Variants in SETX observed in about 807,000 individuals in gnomAD.
SETX encodes senataxin.
A neutral mutation model predicts 227.2 loss-of-function variants in SETX; 90 were observed. The ratio of observed to expected loss-of-function variants is 0.40; its 90% CI spans 0.33 to 0.47. The LOEUF (loss-of-function observed/expected upper bound fraction) is 0.47. Ranked by LOEUF, SETX falls within the 20% of genes least tolerant of loss-of-function variation. The pLI is 0.91. For missense variants in SETX, 3,052 were observed against 3,181.5 expected (o/e 0.96, Z 0.98); for synonymous variants, 1,210 against 1,113.2 (o/e 1.09, Z -1.73).
In SETX at chr9:132,328,147, C is replaced by T; in HGVS notation, c.3451G>A (p.Glu1151Lys). ...HTRPRSISVE[E>K]FCEIEVKKPK... ...TTTTTTACTTCAATTTCACAAAATT[C>T]TTCAACAGAAATACTCCGTGGTCTT... Residue 1151 changes from glutamate (E) to lysine (K), a missense_variant, in exon 10 of 26, where the codon GAA (glutamate) becomes AAA (lysine). By Grantham distance (56) the Glu-to-Lys change is moderately conservative. Transcript: ENST00000224140. The T allele has an allele frequency of 6.2e-7, 1 of 1,614,080 alleles. No individual in the cohort carries two copies. Among genetic ancestry groups the T allele is most frequent in the Non-Finnish European group, 8.5e-7 (1 of 1,180,004 alleles).
intron 12 of SETX, among the ~76,000 whole-genome samples, chr9:132,299,861 G>A (rs775167514): frequency 1.1e-4 from 16 of 152,052 alleles, no homozygotes; most frequent in East Asian, 1.9e-4. Flanking sequence ...GACAAGTCTC[G>A]GCTGGGCGCG....
intron 12 of SETX, 87 bp from the exon 13 acceptor site, chr9:132,298,399 T>A: frequency 3.6e-6 from 4 of 1,123,938 alleles, no homozygotes; most frequent in Non-Finnish European, 5.3e-6. Context: ...TAGGTATTTT[T>A]AACATATTTT....
rs1842447315 is a variant in SETX, at chr9:132,262,451, A to C, written c.*1788T>G. The C allele has an allele frequency of 2.0e-5, 3 of 152,236 alleles. No individual in the cohort carries two copies. The highest frequency in any genetic ancestry group is 4.4e-5 in the Non-Finnish European group (3 of 68,072). 9.4% of individuals were successfully genotyped at this position (152,236 alleles called of 1,614,324 possible). A position where few individuals can be genotyped will look rare whatever the true frequency, so the allele number is the denominator to read the frequency against. On this transcript the variant is annotated 3_prime_UTR_variant, in exon 26 of 26. Coordinates refer to ENST00000224140, the MANE Select transcript of SETX (RefSeq NM_015046.7). ...CTTAAAGTAACGAGATTTCTTCCCA[A>C]AGGCACATGGAAGAAGCTGATAGAG...
chr9:132,342,637 C>T, intron 5 of SETX, 53 bp downstream of exon 5: 1 of 1,198,898 alleles, frequency 8.3e-7, no homozygotes, highest in South Asian at 1.2e-5. Flanking sequence ...TTATAGCTAT[C>T]TATAGGTACA....
Position 132,307,867 on chromosome 9 carries a change from C to T in SETX, c.5374+3890G>A, listed in dbSNP as rs188546962. Among the ~76,000 whole-genome samples the T allele has an allele frequency of 4.6e-5, 7 of 152,080 alleles. No homozygotes were observed. In the East Asian group the frequency reaches 9.7e-4, roughly 21 times the overall value. ...CTGATTTTTGTATTTGTAGTAGAGA[C>T]GGGGTTTTGCCATGTTGGCCAGGCT... On this transcript the variant is annotated intron_variant, in intron 11 of 25. Coordinates refer to ENST00000224140, the MANE Select transcript of SETX (RefSeq NM_015046.7).
At chr9:132,334,251 G>T in intron 7 of SETX, among the ~76,000 whole-genome samples, 1 of 152,178 alleles carries the variant, frequency 6.6e-6, no homozygotes, top group Non-Finnish European at 1.5e-5. Context: ...TTCAAGACCA[G>T]CCTGACCAAC....
Position 132,288,552 on chromosome 9 carries a change from A to G in SETX, c.6206T>C (p.Met2069Thr). The G allele has an allele frequency of 1.2e-6, 2 of 1,607,056 alleles. No homozygotes were observed. The highest frequency in any genetic ancestry group is 1.7e-6 in the Non-Finnish European group (2 of 1,173,650). The stretch of plus-strand genomic sequence containing the variant: ...TATATACCACATTCAGTACTTACTC[A>G]TTCTGTGGTTTACTTGGCTGTCCAA... Reference protein sequence around the residue: ...FSLDSQVNHRMKKELPSHVQA... With the variant: ...FSLDSQVNHRTKKELPSHVQA... Residue 2069 changes from methionine (M) to threonine (T), a missense_variant and splice_region_variant, in exon 16 of 26, where the codon ATG becomes ACG. Coordinates refer to ENST00000224140, the MANE Select transcript of SETX (RefSeq NM_015046.7).
rs1211651049 is a variant in SETX, at chr9:132,328,086, T to C, written c.3512A>G (p.Glu1171Gly). Residue 1171 changes from glutamate to glycine, a missense_variant, in exon 10 of 26, where the codon GAA becomes GGA. Physicochemically the swap from Glu to Gly is moderately conservative, Grantham distance 98. This residue lies in a region of SETX where 1,483 missense variants were observed against 1,312.0 expected (regional missense o/e 1.13). Coordinates refer to ENST00000224140, the MANE Select transcript of SETX (RefSeq NM_015046.7). ...KRKRSEKPMA[E>G]DPVRPSSSVR... ...AGAAGATGAAGGCCTCACAGGATCTTCAGCCATTGGTTTTTCAGATCGTTT... is the reference window on the plus strand; with the variant it reads ...AGAAGATGAAGGCCTCACAGGATCTCCAGCCATTGGTTTTTCAGATCGTTT... 7 of 1,614,138 alleles carry C rather than the reference T, an allele frequency of 4.3e-6. No homozygotes were observed. In the South Asian group the frequency reaches 7.7e-5, roughly 18 times the overall value.
At chr9:132,346,118 A>G (rs929137955) in intron 4 of SETX, 143 bp downstream of exon 4, 34 of 701,938 alleles carry the variant, frequency 4.8e-5, no homozygotes, top group Middle Eastern at 3.9e-4. Flanking sequence ...AAAAAATAAA[A>G]AACGTTGGAA....
At chr9:132,319,166 T>C (rs1328487730) in intron 10 of SETX, among the ~76,000 whole-genome samples, 2 of 152,128 alleles carry the variant, frequency 1.3e-5, no homozygotes, top group African/African-American at 4.8e-5. Flanking sequence ...GTCTTCTAAG[T>C]ACTCTCTCCA....
At chr9:132,322,069 C>A (rs751409203) in intron 10 of SETX, among the ~76,000 whole-genome samples, 1 of 152,126 alleles carries the variant, frequency 6.6e-6, no homozygotes, top group Admixed American at 6.5e-5. Flanking sequence ...CCTGCTATGG[C>A]GCCCTTCAGA....
intron 23 of SETX, among the ~76,000 whole-genome samples, chr9:132,274,419 G>C (rs1018378337): frequency 6.8e-6 from 1 of 147,046 alleles, no homozygotes; most frequent in African/African-American, 2.5e-5. Context: ...TTCATTATTT[G>C]TTATAAAGGT....
intron 15 of SETX, among the ~76,000 whole-genome samples, chr9:132,293,805 G>A (rs1055994436): frequency 6.6e-5 from 10 of 152,096 alleles, no homozygotes; most frequent in African/African-American, 2.4e-4. Flanking sequence ...GGCAGATCAC[G>A]AGGTCAGGAG....
chr9:132,298,888 GA>G (rs1844829958), intron 12 of SETX, among the ~76,000 whole-genome samples: 1 of 152,046 alleles, frequency 6.6e-6, no homozygotes, highest in African/African-American at 2.4e-5. Context: ...GATCAGGGTA[GA>G]AAACCATTGG....
intron 11 of SETX, among the ~76,000 whole-genome samples, chr9:132,302,045 A>G (rs1045598632): frequency 1.3e-5 from 2 of 152,192 alleles, no homozygotes; most frequent in Non-Finnish European, 2.9e-5. Context: ...TTAGAGTCAA[A>G]GCAATCCTAG....
At chr9:132,306,732 G>T (rs1478667322) in intron 11 of SETX, among the ~76,000 whole-genome samples, 1 of 152,028 alleles carries the variant, frequency 6.6e-6, no homozygotes, top group Non-Finnish European at 1.5e-5. Flanking sequence ...TAGAGACAGG[G>T]TCTTGTTATG....
In SETX at chr9:132,330,511, G is replaced by T. The variant is rs752063617; in HGVS notation, c.1099-12C>A. 2.5e-5 allele frequency: 40 copies of T among 1,607,966 alleles called. No individual in the cohort carries two copies. Among genetic ancestry groups the T allele is most frequent in the Admixed American group, 6.7e-5 (4 of 59,882 alleles). On this transcript the variant is annotated splice_polypyrimidine_tract_variant and intron_variant, in intron 9 of 25. Coordinates refer to ENST00000224140, the MANE Select transcript of SETX (RefSeq NM_015046.7). ...CTCCATCCAGAATCCTAAAATGAAA[G>T]AAATGCTGATGTTCAGATAAATAAG...
chr9:132,273,288 G>T (rs539915309), intron 23 of SETX, among the ~76,000 whole-genome samples: 18 of 152,200 alleles, frequency 1.2e-4, no homozygotes, highest in South Asian at 6.2e-4. Flanking sequence ...TCACCCTCCA[G>T]AGTAGTTGGG....
intron 10 of SETX, among the ~76,000 whole-genome samples, chr9:132,321,180 C>T (rs1490355149): frequency 1.3e-5 from 2 of 152,146 alleles, no homozygotes; most frequent in Non-Finnish European, 2.9e-5. Context: ...AAATATGTGA[C>T]GATTCTTTTT....
Sources: gnomAD v4.1 joint callset for allele counts (sites outside exome capture counted in the v4.1 genomes callset) on GRCh38, gnomAD v4.1.1 for gene constraint, gnomAD v4.1.1 regional missense constraint, MANE v1.5 for transcripts, NCBI Gene and HGNC (gene_info 2026-07-23, HGNC 2026-07-21) for gene names.